CDK6: variants seen among roughly 807,000 people sequenced by gnomAD.
The protein encoded by CDK6 is cyclin dependent kinase 6.
CDK6 carries 6 observed loss-of-function variants against 37.1 expected under a neutral mutation model. That is an observed-to-expected ratio of 0.16 (90% CI 0.09 to 0.32). The LOEUF is 0.32. Among genes scored for constraint, CDK6 ranks in the 10% least tolerant of loss-of-function variants. The pLI is 1.00. For synonymous variants in CDK6, 160 were observed against 161.3 expected, an observed-to-expected ratio of 0.99 and a Z score of 0.06; for missense variants, 224 against 418.9, an observed-to-expected ratio of 0.53 and a Z score of 4.06.
intron 4 of CDK6, among the ~76,000 whole-genome samples, chr7:92,678,481 T>C (rs1797258627): frequency 6.6e-6 from 1 of 152,200 alleles, no homozygotes; most frequent in Non-Finnish European, 1.5e-5. Context: ...GATGTATCTG[T>C]TTAAACTGCT....
chr7:92,835,859 G>T lies in CDK6; in HGVS notation c.-368+619C>A, dbSNP rs1801655205. On this transcript the variant is annotated intron_variant, in intron 1 of 7. Transcript: ENST00000424848. This position sits in a 1 kb window ranked among gnomAD's most constrained non-coding sequence, Gnocchi z 4.2. ...ATTTTAAATTATAAAAGTAAACTTG[G>T]AAACTACAGCAAACGTGCGTCTTCG... Among the ~76,000 whole-genome samples the T allele has an allele frequency of 2.6e-5, 4 of 152,246 alleles. No individual in the cohort carries two copies. Among genetic ancestry groups the T allele is most frequent in the Admixed American group, 2.0e-4 (3 of 15,290 alleles).
At chr7:92,730,477 T>C (rs1166880177) in intron 3 of CDK6, among the ~76,000 whole-genome samples, 2 of 152,190 alleles carry the variant, frequency 1.3e-5, no homozygotes, top group African/African-American at 4.8e-5. Flanking sequence ...GTTACGATTA[T>C]AGCAACAGAG....
chr7:92,827,368 A>T (rs1409407750), intron 2 of CDK6, among the ~76,000 whole-genome samples: 1 of 152,090 alleles, frequency 6.6e-6, no homozygotes, highest in African/African-American at 2.4e-5. Flanking sequence ...GACAAAGGAG[A>T]TGGTCAAAAA....
At chr7:92,764,478 C>T (rs1007875512) in intron 3 of CDK6, among the ~76,000 whole-genome samples, 3 of 152,138 alleles carry the variant, frequency 2.0e-5, no homozygotes, top group Non-Finnish European at 4.4e-5. Context: ...TCTTTTACTC[C>T]CTAAACTCCA....
intron 1 of CDK6, 64 bp downstream of exon 1, chr7:92,836,414 C>T (rs1282239123): frequency 1.4e-5 from 2 of 144,202 alleles, no homozygotes; most frequent in Non-Finnish European, 3.0e-5. Flanking sequence ...CCCGGCCAAT[C>T]CCCCAGATCT....
At chr7:92,811,282 C>G (rs1800877026) in intron 2 of CDK6, among the ~76,000 whole-genome samples, 1 of 152,026 alleles carries the variant, frequency 6.6e-6, no homozygotes, top group Non-Finnish European at 1.5e-5. Context: ...AATGTTGTAT[C>G]TACTAGAAAT....
intron 5 of CDK6, among the ~76,000 whole-genome samples, chr7:92,659,369 T>G (rs1796783734): frequency 6.6e-6 from 1 of 152,204 alleles, no homozygotes; most frequent in Non-Finnish European, 1.5e-5. Context: ...ATATTTATAT[T>G]CATTACATGT....
At chr7:92,828,875 C>A (rs559491730) in intron 2 of CDK6, among the ~76,000 whole-genome samples, 1 of 152,168 alleles carries the variant, frequency 6.6e-6, no homozygotes, top group South Asian at 2.1e-4. Flanking sequence ...TACTAAACAA[C>A]CTTGAAAAAT....
intron 4 of CDK6, among the ~76,000 whole-genome samples, chr7:92,712,519 T>C (rs1798120449): frequency 6.6e-6 from 1 of 152,210 alleles, no homozygotes; most frequent in African/African-American, 2.4e-5. Flanking sequence ...CAAATTGTAC[T>C]GTGCATATAG....
At chr7:92,731,526 C>A (rs932914837) in intron 3 of CDK6, among the ~76,000 whole-genome samples, 1 of 152,182 alleles carries the variant, frequency 6.6e-6, no homozygotes, top group African/African-American at 2.4e-5. Context: ...CACATCACCT[C>A]GAGGCCCCTC....
intron 5 of CDK6, 48 bp downstream of exon 5, chr7:92,671,376 CCA>C: frequency 8.4e-7 from 1 of 1,195,362 alleles, no homozygotes; most frequent in South Asian, 1.5e-5. Context: ...TCACAAAGAT[CCA>C]CAGTCTCTTT....
intron 2 of CDK6, among the ~76,000 whole-genome samples, chr7:92,828,967 T>G (rs918813528): frequency 1.3e-5 from 2 of 152,170 alleles, no homozygotes; most frequent in African/African-American, 4.8e-5. Context: ...AGAATTAAAC[T>G]CCTGCTTTTC....
At chr7:92,781,194 G>A (rs1416775857) in intron 2 of CDK6, among the ~76,000 whole-genome samples, 1 of 152,212 alleles carries the variant, frequency 6.6e-6, no homozygotes, top group Non-Finnish European at 1.5e-5. Flanking sequence ...CAGATAGGTC[G>A]TTATCATTTC....
intron 2 of CDK6, among the ~76,000 whole-genome samples, chr7:92,790,541 C>A (rs760491542): frequency 6.6e-6 from 1 of 152,080 alleles, no homozygotes; most frequent in Non-Finnish European, 1.5e-5. Flanking sequence ...ATAGAAAAAT[C>A]AAAGGGTAAA....
At chr7:92,648,564 T>C (rs901366341) in intron 5 of CDK6, among the ~76,000 whole-genome samples, 4 of 152,216 alleles carry the variant, frequency 2.6e-5, no homozygotes, top group Non-Finnish European at 5.9e-5. Context: ...TACAGGATAC[T>C]AACCTTATAG....
intron 2 of CDK6, among the ~76,000 whole-genome samples, chr7:92,786,209 C>T (rs1035046825): frequency 1.3e-5 from 2 of 152,216 alleles, no homozygotes; most frequent in South Asian, 2.1e-4. Context: ...ACTAGGCAGC[C>T]GCCTGTAATG....
At chr7:92,792,154 G>A (rs1470581583) in intron 2 of CDK6, among the ~76,000 whole-genome samples, 1 of 152,132 alleles carries the variant, frequency 6.6e-6, no homozygotes, top group Admixed American at 6.6e-5. Context: ...ATTGGTTACA[G>A]AAATAGTAGC....
At chr7:92,661,916 T>C (rs1175658380) in intron 5 of CDK6, among the ~76,000 whole-genome samples, 2 of 152,058 alleles carry the variant, frequency 1.3e-5, no homozygotes, top group African/African-American at 2.4e-5. Context: ...TGGGAAGGGA[T>C]GAAGAAATGA....
intron 4 of CDK6, among the ~76,000 whole-genome samples, chr7:92,681,445 T>C (rs921176068): frequency 2.0e-5 from 3 of 152,222 alleles, no homozygotes; most frequent in Non-Finnish European, 4.4e-5. Flanking sequence ...TTGCCATTTC[T>C]TACTGAGTCG....
Sources: allele counts gnomAD v4.1 joint callset (sites outside exome capture counted in the v4.1 genomes callset), GRCh38; gene constraint gnomAD v4.1.1; non-coding constraint Gnocchi (gnomAD v3.1); transcripts MANE v1.5; gene names NCBI Gene and HGNC (gene_info 2026-07-23, HGNC 2026-07-21).